The following DHTKD1 variants were observed in gnomAD, a reference collection of about 807,000 sequenced individuals.
The protein encoded by DHTKD1 is dehydrogenase E1 and transketolase domain containing 1.
Under a neutral mutation model 101.8 loss-of-function variants are expected in DHTKD1, and 78 were observed. That is an observed-to-expected ratio of 0.77 (90% confidence interval 0.64 to 0.93). DHTKD1 has a LOEUF of 0.93. Ranked by LOEUF, DHTKD1 falls within the 40% of genes least tolerant of loss-of-function variation. The probability of loss-of-function intolerance (pLI) is 0.00; values close to 1 mark genes in which losing one functional copy is unlikely to be tolerated. For synonymous variants in DHTKD1, 462 were observed against 450.3 expected (o/e 1.03, Z -0.33); for missense variants, 1,223 against 1,161.7 (o/e 1.05, Z -0.77).
intron 1 of DHTKD1, among the ~76,000 whole-genome samples, chr10:12,076,751 C>T (rs1211625573): frequency 1.3e-5 from 2 of 150,986 alleles, no homozygotes; most frequent in Non-Finnish European, 3.0e-5. Context: ...CTCCGCCTCC[C>T]GGGTTTACGC....
In DHTKD1 at chr10:12,120,795, G is replaced by A. The variant is rs781702712; in HGVS notation, c.2667G>A (p.Leu889=). 16 of 1,613,916 alleles carry A rather than the reference G, an allele frequency of 9.9e-6. No homozygotes were observed. The highest frequency in any genetic ancestry group is 1.3e-5 in the Non-Finnish European group (15 of 1,179,926). ...FEKQLACKLR[L]VGRPPLPVPA... ...CTCTGCTGCACTTATAGCTCCGTCT[G>A]GTGGGCCGGCCCCCTTTGCCAGTAC... is the stretch of plus-strand genomic sequence containing the variant. Residue 889 remains leucine, a synonymous_variant, in exon 17 of 17, where the codon CTG becomes CTA. Coordinates refer to ENST00000263035, the MANE Select transcript of DHTKD1 (RefSeq NM_018706.7).
Position 12,081,489 on chromosome 10 carries a change from A to G in DHTKD1, c.172A>G (p.Arg58Gly). 6.2e-7 allele frequency: 1 copy of G among 1,614,150 alleles called. No individual in the cohort carries two copies. Among genetic ancestry groups the G allele is most frequent in the Non-Finnish European group, 8.5e-7 (1 of 1,179,998 alleles). The change falls in exon 2 of 17, where the codon AGG (arginine) becomes GGG (glycine). Residue 58 changes from arginine (R) to glycine (G), a missense_variant. Arg to Gly is a moderately radical substitution (Grantham distance 125). Coordinates refer to ENST00000263035, the MANE Select transcript of DHTKD1 (RefSeq NM_018706.7). ...TGATTTAGTTGATCATGGCCTTGCC[A>G]GGTTGGTGACAGTATATTGTGAGCA... ...ERPPVDHGLA[R>G]LVTVYCEHGH...
intron 1 of DHTKD1, among the ~76,000 whole-genome samples, chr10:12,080,132 T>C (rs931105385): frequency 1.3e-5 from 2 of 151,782 alleles, no homozygotes; most frequent in Non-Finnish European, 2.9e-5. Flanking sequence ...TAGAAAAAAT[T>C]AGCTGGGCGT....
rs539793101 is a variant in DHTKD1, at chr10:12,120,339, C to CTTTTTTT, written c.2658+78_2658+84dup. 284 of 1,065,768 alleles carry CTTTTTTT rather than the reference C, an allele frequency of 2.7e-4. No individual in the cohort carries two copies. The African/African-American group carries it at 4.6e-3, about 17-fold the overall frequency. The allele number at this position is 1,065,768 out of a possible 1,614,324, so 66.0% of individuals were successfully genotyped here. ...TTGTTTTTCTTTTCTTTCTTTCTTT[C>CTTTTTTT]TTTTTTTTTTTTGAGACAGAGTCTC... On this transcript the variant is annotated intron_variant, in intron 16 of 16. Transcript: ENST00000263035.
chr10:12,117,708 A>C lies in DHTKD1; in HGVS notation c.2355A>C (p.Gly785=). The C allele has an allele frequency of 6.2e-7, 1 of 1,608,248 alleles. No homozygotes were observed. Among genetic ancestry groups the C allele is most frequent in the Non-Finnish European group, 8.5e-7 (1 of 1,176,922 alleles). ...CAACTCTTCAAGAAATGGCACCAGG[A>C]ACAACATTTAACCCGGTCATTGGTG... ...AVSTLQEMAP[G]TTFNPVIGDS... is the part of the protein sequence containing the mutation. The change falls in exon 14 of 17, where the codon GGA becomes GGC. Residue 785 remains glycine, a synonymous_variant. Transcript: ENST00000263035.
intron 15 of DHTKD1, among the ~76,000 whole-genome samples, chr10:12,119,420 C>G (rs1220469746): frequency 3.3e-5 from 5 of 150,940 alleles, no homozygotes; most frequent in Non-Finnish European, 7.4e-5. Context: ...TCAAGACCAT[C>G]CTGGCTAACA....
chr10:12,115,631 A>C (rs894148234), intron 13 of DHTKD1, among the ~76,000 whole-genome samples: 6 of 152,152 alleles, frequency 3.9e-5, no homozygotes, highest in African/African-American at 1.4e-4. Context: ...ATAGTGGTCT[A>C]CCGGTTCTTT....
intron 13 of DHTKD1, among the ~76,000 whole-genome samples, chr10:12,115,446 C>T (rs1475111512): frequency 6.6e-6 from 1 of 152,126 alleles, no homozygotes; most frequent in African/African-American, 2.4e-5. Context: ...GGGAGGTACT[C>T]ATTCTCAGGG....
chr10:12,094,406 C>T lies in DHTKD1; in HGVS notation c.1358+135C>T, dbSNP rs1833037588. 8 of 755,626 alleles carry T rather than the reference C, an allele frequency of 1.1e-5. 1 individual carries two copies. In the South Asian group the frequency reaches 1.4e-4, roughly 13 times the overall value. 46.8% of individuals were successfully genotyped at this position (755,626 alleles called of 1,614,324 possible). The stretch of plus-strand genomic sequence containing the variant: ...GATCTTGGCTCACTGCCATCTCCAC[C>T]TCCCGGGTTCAAATGATCCTCCTGC... On this transcript the variant is annotated intron_variant, in intron 7 of 16. Transcript: ENST00000263035.
At chr10:12,105,579 A>AC (rs1173035045) in intron 10 of DHTKD1, among the ~76,000 whole-genome samples, 3 of 151,900 alleles carry the variant, frequency 2.0e-5, no homozygotes, top group African/African-American at 7.3e-5. Context: ...CGGCCTCCCA[A>AC]ATTGTTGGGA....
intron 8 of DHTKD1, among the ~76,000 whole-genome samples, chr10:12,098,982 G>A (rs1316338982): frequency 6.6e-6 from 1 of 152,118 alleles, no homozygotes; most frequent in Admixed American, 6.6e-5. Flanking sequence ...ACCAGCCTGG[G>A]CAACATAGTG....
intron 15 of DHTKD1, among the ~76,000 whole-genome samples, chr10:12,119,499 C>T (rs1164719614): frequency 6.6e-6 from 1 of 150,620 alleles, no homozygotes; most frequent in Non-Finnish European, 1.5e-5. Flanking sequence ...GCCTGTAGTC[C>T]CAGCTACTTG....
chr10:12,080,449 A>G (rs906422455), intron 1 of DHTKD1, among the ~76,000 whole-genome samples: 1 of 152,032 alleles, frequency 6.6e-6, no homozygotes, highest in Non-Finnish European at 1.5e-5. Flanking sequence ...ACATTGGTTC[A>G]CGCCTGTAAT....
intron 11 of DHTKD1, among the ~76,000 whole-genome samples, chr10:12,106,707 G>A (rs1266516391): frequency 4.6e-5 from 7 of 152,304 alleles, no homozygotes; most frequent in Admixed American, 2.6e-4. Context: ...CCTGCTCACC[G>A]TAAAAATTAG....
At chr10:12,119,504 T>C (rs11257546) in intron 15 of DHTKD1, among the ~76,000 whole-genome samples, 30,799 of 148,474 alleles carry the variant, frequency 0.21, 3,665 homozygotes, top group South Asian at 0.5. Flanking sequence ...TAGTCCCAGC[T>C]ACTTGGGAGG....
At chr10:12,090,428 T>TTCCTTCC (rs1334720304) in intron 5 of DHTKD1, among the ~76,000 whole-genome samples, 2 of 119,760 alleles carry the variant, frequency 1.7e-5, no homozygotes, top group African/African-American at 3.6e-5. Flanking sequence ...TTCCTTCCTT[T>TTCCTTCC]TTCCTTCCTT....
chr10:12,092,771 A>G (rs61844352), intron 6 of DHTKD1, among the ~76,000 whole-genome samples: 23 of 151,606 alleles, frequency 1.5e-4, no homozygotes, highest in Non-Finnish European at 2.9e-4. Context: ...CCATTGCACT[A>G]CAGCGTGGGC....
chr10:12,120,030 T>G (rs560779953), intron 15 of DHTKD1, 152 bp from the exon 16 acceptor site: 2 of 623,610 alleles, frequency 3.2e-6, no homozygotes, highest in African/African-American at 3.7e-5. Context: ...ACAGAACTGT[T>G]GTATGGGTAC....
intron 7 of DHTKD1, among the ~76,000 whole-genome samples, chr10:12,094,651 T>A (rs891913940): frequency 6.0e-5 from 9 of 150,106 alleles, no homozygotes; most frequent in African/African-American, 2.0e-4. Context: ...CATGAAACTT[T>A]AAGAGCTAAA....
Sources: gnomAD v4.1 joint callset for allele counts (sites outside exome capture counted in the v4.1 genomes callset) on GRCh38, gnomAD v4.1.1 for gene constraint, MANE v1.5 for transcripts, NCBI Gene and HGNC (gene_info 2026-07-23, HGNC 2026-07-21) for gene names.